The following PRKCA variants were observed in gnomAD, a reference collection of about 807,000 sequenced individuals.
PRKCA encodes protein kinase C alpha type.
PRKCA carries 27 observed loss-of-function variants against 87.0 expected under a neutral mutation model. That is an observed-to-expected ratio of 0.31 (90% confidence interval 0.23 to 0.43). The LOEUF is 0.43. PRKCA is among the 20% of genes least tolerant of loss of function. PRKCA has a pLI of 1.00. For synonymous variants in PRKCA, 329 were observed against 311.1 expected (o/e 1.06, Z -0.61); for missense variants, 518 against 852.3 (o/e 0.61, Z 4.88).
chr17:66,583,978 G>A (rs1021615110), intron 3 of PRKCA, among the ~76,000 whole-genome samples: 4 of 152,136 alleles, frequency 2.6e-5, no homozygotes, highest in Non-Finnish European at 5.9e-5. Flanking sequence ...AGTTTCCTGG[G>A]TTGATTTTGG....
intron 5 of PRKCA, chr17:66,676,482 T>C (rs1289555222): frequency 6.6e-6 from 1 of 152,290 alleles, no homozygotes; most frequent in Non-Finnish European, 1.5e-5. Flanking sequence ...TCAGCTTGCT[T>C]GTGGCCCAGC....
intron 5 of PRKCA, among the ~76,000 whole-genome samples, chr17:66,680,974 ATCCGAGCACT>A (rs1465758261): frequency 1.2e-4 from 18 of 152,206 alleles, no homozygotes; most frequent in Admixed American, 2.6e-4. Context: ...CAGGCCTGTA[ATCCGAGCACT>A]TTGGGAGGCC....
At chr17:66,630,442 A>G (rs573786634) in intron 3 of PRKCA, among the ~76,000 whole-genome samples, 93 of 152,336 alleles carry the variant, frequency 6.1e-4, no homozygotes, top group African/African-American at 2.2e-3. Context: ...CCCTGGATGC[A>G]GAGCATCCCC....
chr17:66,788,791 G>A (rs768195127), intron 15 of PRKCA, 48 bp from the exon 16 acceptor site: 8 of 1,594,412 alleles, frequency 5.0e-6, no homozygotes, highest in Non-Finnish European at 6.8e-6. Context: ...GCTGTCTGTG[G>A]GAAGCCCTTG....
chr17:66,775,897 C>A, intron 14 of PRKCA: 1 of 361,044 alleles, frequency 2.8e-6, no homozygotes, highest in Non-Finnish European at 3.9e-6. Context: ...TATAACACAG[C>A]AGAGGTAAGC....
At chr17:66,563,818 C>T (rs930368101) in intron 3 of PRKCA, among the ~76,000 whole-genome samples, 3 of 152,064 alleles carry the variant, frequency 2.0e-5, no homozygotes, top group Admixed American at 6.5e-5. Flanking sequence ...TGCAGAGGTA[C>T]GTTGGATTTC....
intron 2 of PRKCA, among the ~76,000 whole-genome samples, chr17:66,470,962 C>G (rs567663844): frequency 1.9e-4 from 29 of 150,390 alleles, no homozygotes; most frequent in Non-Finnish European, 2.8e-4. Context: ...ATGCCCTTTT[C>G]TTAGCCTTTC....
At chr17:66,303,182 C>T (rs1005840851) in intron 1 of PRKCA, among the ~76,000 whole-genome samples, 158 bp downstream of exon 1, 1 of 152,116 alleles carries the variant, frequency 6.6e-6, no homozygotes, top group African/African-American at 2.4e-5. Flanking sequence ...GCGCCCGGCC[C>T]TGACACCGGC....
intron 8 of PRKCA, among the ~76,000 whole-genome samples, chr17:66,695,054 C>T (rs1206117201): frequency 6.6e-6 from 1 of 152,104 alleles, no homozygotes; most frequent in East Asian, 1.9e-4. Context: ...TCTAGGCCTG[C>T]CTGGGATCCA....
intron 2 of PRKCA, among the ~76,000 whole-genome samples, chr17:66,451,219 T>C (rs1200810896): frequency 2.0e-5 from 3 of 152,238 alleles, no homozygotes; most frequent in Non-Finnish European, 4.4e-5. Flanking sequence ...AAGCCACATA[T>C]TAAATCCTCT....
intron 2 of PRKCA, among the ~76,000 whole-genome samples, chr17:66,373,634 G>A (rs745631334): frequency 3.3e-5 from 5 of 152,058 alleles, no homozygotes; most frequent in Non-Finnish European, 7.4e-5. Context: ...TAATTCTAAT[G>A]GCTTCCTAAA....
intron 14 of PRKCA, among the ~76,000 whole-genome samples, chr17:66,783,243 T>C (rs368558929): frequency 2.0e-5 from 3 of 152,196 alleles, no homozygotes; most frequent in East Asian, 1.9e-4. Context: ...CTGAGAATCC[T>C]TCCAGCCCTA....
rs1244690431 is a variant in PRKCA at position 66,803,557 on chromosome 17, T to C, written c.1855-316T>C. Among the ~76,000 whole-genome samples the C allele has an allele frequency of 1.3e-5, 2 of 152,166 alleles. No homozygotes were observed. Among genetic ancestry groups the C allele is most frequent in the Admixed American group, 6.5e-5 (1 of 15,284 alleles). On this transcript the variant is annotated intron_variant, in intron 16 of 16. Transcript: ENST00000413366. The surrounding 1 kb of genome is among the most constrained non-coding windows in gnomAD (Gnocchi z 4.4). ...GGCCCTGCGTGCGTGGCTTCCGTGCTCTCAGCTCCGCTTGCTCGGTGAGGT... is the reference window on the plus strand; with the variant it reads ...GGCCCTGCGTGCGTGGCTTCCGTGCCCTCAGCTCCGCTTGCTCGGTGAGGT...
intron 2 of PRKCA, among the ~76,000 whole-genome samples, chr17:66,458,031 T>C (rs1914650229): frequency 6.6e-6 from 1 of 152,124 alleles, no homozygotes; most frequent in Non-Finnish European, 1.5e-5. Context: ...ACCAAATTGG[T>C]TTGGAGCAAG....
chr17:66,373,890 A>G (rs1290864110), intron 2 of PRKCA, among the ~76,000 whole-genome samples: 3 of 152,174 alleles, frequency 2.0e-5, no homozygotes, highest in Non-Finnish European at 2.9e-5. Context: ...TTTAGCACCT[A>G]CTTATCACCC....
At chr17:66,413,850 C>A (rs1444530390) in intron 2 of PRKCA, among the ~76,000 whole-genome samples, 1 of 151,924 alleles carries the variant, frequency 6.6e-6, no homozygotes, top group Non-Finnish European at 1.5e-5. Context: ...CCCGTCTCTA[C>A]TAAAAATACA....
chr17:66,429,967 G>A (rs1913015644), intron 2 of PRKCA, among the ~76,000 whole-genome samples: 1 of 152,116 alleles, frequency 6.6e-6, no homozygotes, highest in South Asian at 2.1e-4. Flanking sequence ...TCTGTGGTCT[G>A]TGTGATAGAA....
At chr17:66,714,754 G>A (rs1973431878) in intron 8 of PRKCA, among the ~76,000 whole-genome samples, 1 of 152,152 alleles carries the variant, frequency 6.6e-6, no homozygotes, top group African/African-American at 2.4e-5. Context: ...AGTGTGCAGT[G>A]CCTTTACTGG....
intron 13 of PRKCA, among the ~76,000 whole-genome samples, chr17:66,751,254 A>G (rs1228840084): frequency 6.6e-6 from 1 of 152,244 alleles, no homozygotes; most frequent in African/African-American, 2.4e-5. Flanking sequence ...TTCTTACAAT[A>G]GCCCTCTAAG....
Sources: gnomAD v4.1 joint callset for allele counts (sites outside exome capture counted in the v4.1 genomes callset) on GRCh38, gnomAD v4.1.1 for gene constraint, Gnocchi (gnomAD v3.1) non-coding constraint, MANE v1.5 for transcripts, NCBI Gene and HGNC (gene_info 2026-07-23, HGNC 2026-07-21) for gene names.